Variants in ERICH3 observed in about 807,000 individuals in gnomAD.
The protein encoded by ERICH3 is glutamate-rich protein 3.
Under a neutral mutation model 131.1 loss-of-function variants are expected in ERICH3, and 126 were observed. That is an observed-to-expected ratio of 0.96 (90% CI 0.83 to 1.11). The LOEUF (loss-of-function observed/expected upper bound fraction) is 1.11, where lower values mean the gene tolerates loss of function less well. ERICH3 is among the 50% of genes most tolerant of loss of function. The pLI is 0.00. For synonymous variants in ERICH3, 695 were observed against 644.6 expected (o/e 1.08, Z -1.18); for missense variants, 2,050 against 1,810.7 (o/e 1.13, Z -2.40).
intron 10 of ERICH3, among the ~76,000 whole-genome samples, chr1:74,600,486 A>G (rs1168298201): frequency 6.6e-6 from 1 of 151,926 alleles, no homozygotes; most frequent in South Asian, 2.1e-4. Flanking sequence ...GAAGGATTCT[A>G]TATGTAGGCC....
intron 12 of ERICH3, chr1:74,579,894 A>T: frequency 1.0e-6 from 1 of 984,942 alleles, no homozygotes; most frequent in Non-Finnish European, 1.2e-6. Flanking sequence ...CACACACAGA[A>T]AATTTCTTAG....
At chr1:74,582,557 A>G (rs1647197882) in intron 12 of ERICH3, among the ~76,000 whole-genome samples, 1 of 152,206 alleles carries the variant, frequency 6.6e-6, no homozygotes, top group South Asian at 2.1e-4. Flanking sequence ...AAGTCGATTT[A>G]TAGCCTTCAT....
chr1:74,587,384 T>A (rs896774459), intron 12 of ERICH3, among the ~76,000 whole-genome samples: 1 of 150,042 alleles, frequency 6.7e-6, no homozygotes, highest in African/African-American at 2.4e-5. Context: ...AACCTTGCCA[T>A]CTTGTGTTGA....
At chr1:74,651,027 C>T (rs969618991) in intron 1 of ERICH3, among the ~76,000 whole-genome samples, 5 of 152,040 alleles carry the variant, frequency 3.3e-5, no homozygotes, top group Admixed American at 2.6e-4. Flanking sequence ...TAAAAAAATG[C>T]ATACTCTATT....
At chr1:74,577,052 A>T in intron 12 of ERICH3, 116 bp from the exon 13 acceptor site, 1 of 783,692 alleles carries the variant, frequency 1.3e-6, no homozygotes, top group Non-Finnish European at 2.0e-6. Flanking sequence ...CTGTTCAACT[A>T]TCTGGGAGGC....
chr1:74,642,040 T>C (rs545223918), intron 4 of ERICH3, among the ~76,000 whole-genome samples: 3 of 152,222 alleles, frequency 2.0e-5, no homozygotes, highest in African/African-American at 7.2e-5. Flanking sequence ...TGACTCTTTT[T>C]TTCCAGTAAC....
intron 1 of ERICH3, among the ~76,000 whole-genome samples, chr1:74,662,968 T>C (rs890695427): frequency 3.3e-5 from 5 of 152,186 alleles, no homozygotes; most frequent in Non-Finnish European, 7.3e-5. Context: ...CTAGGCAACA[T>C]GGTGAGATCA....
intron 10 of ERICH3, among the ~76,000 whole-genome samples, chr1:74,603,468 C>T (rs550788263): frequency 5.9e-5 from 9 of 151,968 alleles, no homozygotes; most frequent in African/African-American, 1.7e-4. Flanking sequence ...GTTTGGTGCT[C>T]AGTGCTTGGC....
chr1:74,668,410 A>G lies in ERICH3; in HGVS notation c.23+5087T>C, dbSNP rs186138186. On this transcript the variant is annotated intron_variant, in intron 1 of 14. Transcript: ENST00000326665. ...GAAGTATTGCACAGGTATTGATACA[A>G]CAAATGACTTTCATGACTGGGCAAC... Among the ~76,000 whole-genome samples, 14 of 152,362 alleles carry G rather than the reference A, an allele frequency of 9.2e-5. No individual in the cohort carries two copies. The East Asian group carries it at 2.7e-3, about 29-fold the overall frequency.
chr1:74,589,597 G>C, intron 12 of ERICH3, 34 bp downstream of exon 12: 1 of 1,588,336 alleles, frequency 6.3e-7, no homozygotes, highest in African/African-American at 1.3e-5. Flanking sequence ...CATGCATGAG[G>C]ATGATGGCAG....
At chr1:74,583,634 C>T (rs1045245864) in intron 12 of ERICH3, among the ~76,000 whole-genome samples, 1 of 151,960 alleles carries the variant, frequency 6.6e-6, no homozygotes, top group African/African-American at 2.4e-5. Context: ...GGGGTTTGGG[C>T]AGTAGAAAGG....
chr1:74,623,386 C>A (rs545053947), intron 7 of ERICH3: 1 of 152,274 alleles, frequency 6.6e-6, no homozygotes, highest in South Asian at 2.1e-4. Context: ...TCACTGAAAT[C>A]TCTTTTATCC....
intron 12 of ERICH3, among the ~76,000 whole-genome samples, chr1:74,588,417 ATAG>A (rs1322537960): frequency 1.3e-5 from 2 of 152,278 alleles, no homozygotes; most frequent in Non-Finnish European, 2.9e-5. Flanking sequence ...TGCCTTGTGC[ATAG>A]TAGAAGATTA....
intron 11 of ERICH3, 145 bp downstream of exon 11, chr1:74,599,550 C>A: frequency 4.3e-6 from 3 of 701,680 alleles, no homozygotes; most frequent in Non-Finnish European, 7.0e-6. Context: ...TGTAACAAAC[C>A]TTCACATGTA....
intron 1 of ERICH3, among the ~76,000 whole-genome samples, chr1:74,666,610 A>T (rs1570923050): frequency 6.6e-6 from 1 of 152,176 alleles, no homozygotes; most frequent in Admixed American, 6.5e-5. Flanking sequence ...TCAATGAAGG[A>T]TGTGTTTCTT....
chr1:74,665,027 C>T (rs1183638446), intron 1 of ERICH3, among the ~76,000 whole-genome samples: 2 of 152,038 alleles, frequency 1.3e-5, no homozygotes, highest in Non-Finnish European at 2.9e-5. Flanking sequence ...AATCTTAACC[C>T]ACAATGTTAT....
intron 10 of ERICH3, among the ~76,000 whole-genome samples, chr1:74,605,032 T>G (rs1192963365): frequency 6.6e-6 from 1 of 152,026 alleles, no homozygotes; most frequent in Non-Finnish European, 1.5e-5. Flanking sequence ...GACCTGCTGT[T>G]TAATGTAGCT....
At chr1:74,579,586 T>G (rs976575120) in intron 12 of ERICH3, 1 of 985,258 alleles carries the variant, frequency 1.0e-6, no homozygotes, top group African/African-American at 1.7e-5. Context: ...AAGGACTTAC[T>G]AGGTGTGAAA....
rs777363079 is a variant in ERICH3, at chr1:74,620,855, A to T, written c.879T>A (p.Tyr293Ter). The T allele has an allele frequency of 9.3e-6, 15 of 1,612,868 alleles. No homozygotes were observed. The highest frequency in any genetic ancestry group is 1.3e-5 in the Non-Finnish European group (15 of 1,179,214). ...AAGATAGGTGCACATTTTTCCCCAA[A>T]TAGATCATTGTAATAGCTGCATTAC... The part of the protein sequence containing the change: ...LHSNAAITMI[Y>*]LGKNVHLSSD... Residue 293 changes from tyrosine to a stop codon, truncating the protein, a stop_gained, in exon 8 of 15, where the codon TAT becomes TAA. Coordinates refer to ENST00000326665, the MANE Select transcript of ERICH3 (RefSeq NM_001002912.5). LOFTEE classifies it high-confidence loss of function.
Sources: allele counts gnomAD v4.1 joint callset (sites outside exome capture counted in the v4.1 genomes callset), GRCh38; gene constraint gnomAD v4.1.1; transcripts MANE v1.5; gene names NCBI Gene and HGNC (gene_info 2026-07-23, HGNC 2026-07-21).